Variants in CSTPP1 observed in about 807,000 individuals in gnomAD.
CSTPP1 encodes centriolar satellite-associated tubulin polyglutamylase complex regulator 1, also known as UPF0705 protein C11orf49.
At chr11:46,964,390 A>G in the CSTPP1 span, among the ~76,000 whole-genome samples, 1 of 150,814 alleles carries the variant, frequency 6.6e-6, no homozygotes, top group Non-Finnish European at 1.5e-5. Context: ...GGTTCACGCC[A>G]TTCTCCTGCC....
the CSTPP1 span, among the ~76,000 whole-genome samples, chr11:47,126,435 C>T: frequency 6.6e-6 from 1 of 151,982 alleles, no homozygotes; most frequent in African/African-American, 2.4e-5. Flanking sequence ...GCAACCTGGG[C>T]AACATATCAA....
At chr11:47,158,616 G>A in the CSTPP1 span, among the ~76,000 whole-genome samples, 2 of 152,090 alleles carry the variant, frequency 1.3e-5, no homozygotes, top group Non-Finnish European at 2.9e-5. Context: ...GCTCACTGCA[G>A]CCTCGACCTC....
the CSTPP1 span, among the ~76,000 whole-genome samples, chr11:47,057,638 T>C: frequency 6.6e-6 from 1 of 152,118 alleles, no homozygotes; most frequent in Admixed American, 6.6e-5. Context: ...GTTATTGAGT[T>C]GAGGAGGCAG....
chr11:47,019,157 G>T, the CSTPP1 span, among the ~76,000 whole-genome samples: 1 of 152,012 alleles, frequency 6.6e-6, no homozygotes, highest in African/African-American at 2.4e-5. Context: ...ACAGGCGTGA[G>T]CCATCATGCC....
chr11:46,964,412 A>G, the CSTPP1 span, among the ~76,000 whole-genome samples: 1 of 151,782 alleles, frequency 6.6e-6, no homozygotes, highest in Non-Finnish European at 1.5e-5. Flanking sequence ...TAGCCTCCCG[A>G]GTAGCTGGGA....
chr11:47,045,732 G>A, the CSTPP1 span, among the ~76,000 whole-genome samples: 2 of 152,142 alleles, frequency 1.3e-5, no homozygotes, highest in Admixed American at 6.6e-5. Context: ...TTTGATAAAT[G>A]TAGGTAAACT....
At chr11:47,101,597 CT>C in the CSTPP1 span, among the ~76,000 whole-genome samples, 1 of 151,012 alleles carries the variant, frequency 6.6e-6, no homozygotes, top group Admixed American at 6.6e-5. Context: ...TGATATTCAT[CT>C]TAGAAAAAAA....
At chr11:47,141,543 G>A in the CSTPP1 span, among the ~76,000 whole-genome samples, 5 of 152,054 alleles carry the variant, frequency 3.3e-5, no homozygotes, top group Non-Finnish European at 5.9e-5. Flanking sequence ...GGGGGCAGAG[G>A]TTGTAGTAAG....
the CSTPP1 span, chr11:47,155,550 A>T: frequency 8.2e-6 from 4 of 486,810 alleles, no homozygotes; most frequent in Middle Eastern, 2.2e-3. Context: ...CAACATCCAT[A>T]GCATCCACAG....
chr11:47,161,011 A>C, the CSTPP1 span: 1 of 1,344,450 alleles, frequency 7.4e-7, no homozygotes, highest in Non-Finnish European at 1.0e-6. Flanking sequence ...AGATCTTTAG[A>C]TCGGCCCTCG....
At chr11:46,936,696 C>G in the CSTPP1 span, 76 of 1,521,984 alleles carry the variant, frequency 5.0e-5, no homozygotes, top group Middle Eastern at 2.2e-4. Flanking sequence ...GACACCTCCT[C>G]CAGCTCCCGT....
At chr11:47,078,727 A>C in the CSTPP1 span, among the ~76,000 whole-genome samples, 1 of 152,206 alleles carries the variant, frequency 6.6e-6, no homozygotes, top group Non-Finnish European at 1.5e-5. Context: ...GGACTTAAAA[A>C]GGTGGCTTCA....
chr11:47,038,674 G>C, the CSTPP1 span, among the ~76,000 whole-genome samples: 6,312 of 122,738 alleles, frequency 0.051, 758 homozygotes, highest in African/African-American at 0.15. Flanking sequence ...CTGGCCGGGC[G>C]GGGGGCTGAC....
the CSTPP1 span, among the ~76,000 whole-genome samples, chr11:46,971,504 A>G: frequency 6.6e-6 from 1 of 152,272 alleles, no homozygotes; most frequent in Non-Finnish European, 1.5e-5. Context: ...ACCCTAAGGA[A>G]GTAACTCAAA....
At chr11:47,088,554 A>G in the CSTPP1 span, among the ~76,000 whole-genome samples, 3 of 152,060 alleles carry the variant, frequency 2.0e-5, no homozygotes, top group African/African-American at 7.2e-5. Context: ...ATATTTATTT[A>G]TTTATTTATT....
At chr11:47,041,876 G>T in the CSTPP1 span, 72 of 342,300 alleles carry the variant, frequency 2.1e-4, 9 homozygotes, top group East Asian at 3.6e-3. Context: ...CCACCTTTGC[G>T]CCAGCAAGGA....
the CSTPP1 span, among the ~76,000 whole-genome samples, chr11:46,940,167 CT>C: frequency 6.6e-6 from 1 of 152,240 alleles, no homozygotes; most frequent in South Asian, 2.1e-4. Flanking sequence ...GCCACTGCGC[CT>C]GGCCTCGAAG....
the CSTPP1 span, chr11:46,936,763 G>C: frequency 6.2e-7 from 1 of 1,606,576 alleles, no homozygotes; most frequent in Non-Finnish European, 8.5e-7. Context: ...CCTGGGTTCC[G>C]GAAGCCGGAG....
At chr11:47,090,966 G>A in the CSTPP1 span, among the ~76,000 whole-genome samples, 7 of 149,756 alleles carry the variant, frequency 4.7e-5, no homozygotes, top group Non-Finnish European at 8.9e-5. Flanking sequence ...ATGAACCTGG[G>A]AGGCAGAGTT....
Sources: gnomAD v4.1 joint callset for allele counts (sites outside exome capture counted in the v4.1 genomes callset) on GRCh38, gnomAD v4.1.1 for gene constraint, MANE v1.5 for transcripts, NCBI Gene and HGNC (gene_info 2026-07-23, HGNC 2026-07-21) for gene names.